RORB: variants seen among roughly 807,000 people sequenced by gnomAD.
RORB encodes the protein RAR related orphan receptor B.
RORB carries 6 observed loss-of-function variants against 59.1 expected under a neutral mutation model. That is an observed-to-expected ratio of 0.10 (90% CI 0.06 to 0.20). RORB has a LOEUF of 0.20. RORB is among the 10% of genes least tolerant of loss of function. RORB has a pLI of 1.00. For missense variants in RORB, 320 were observed against 560.5 expected (o/e 0.57, Z 4.33); for synonymous variants, 215 against 204.5 (o/e 1.05, Z -0.44).
At chr9:74,591,336 T>G (rs1822889570) in intron 1 of RORB, among the ~76,000 whole-genome samples, 1 of 152,206 alleles carries the variant, frequency 6.6e-6, no homozygotes, top group Admixed American at 6.5e-5. Context: ...CGCTTTCCAC[T>G]GTGTGAATCA....
Position 74,648,488 on chromosome 9 carries a change from C to T in RORB, c.637+5673C>T, listed in dbSNP as rs577136757. Among the ~76,000 whole-genome samples the T allele has an allele frequency of 6.0e-4, 91 of 152,296 alleles. 1 individual carries two copies. Among genetic ancestry groups the T allele is most frequent in the African/African-American group, 2.1e-3 (87 of 41,562 alleles). On this transcript the variant is annotated intron_variant, in intron 4 of 9. Transcript: ENST00000376896. ...TTCCCCCCTTGTTATAGCCACGTCA[C>T]ACAGATAAGAGTAGGGTAGAAGAGA...
chr9:74,557,507 T>C (rs1324169235), intron 1 of RORB, among the ~76,000 whole-genome samples: 2 of 152,176 alleles, frequency 1.3e-5, no homozygotes, highest in East Asian at 1.9e-4. Context: ...AATTCTTTAA[T>C]TGTTTCAGCC....
intron 1 of RORB, among the ~76,000 whole-genome samples, chr9:74,518,388 C>T (rs1256949323): frequency 6.6e-6 from 1 of 151,946 alleles, no homozygotes; most frequent in Non-Finnish European, 1.5e-5. Context: ...CCTAAGACAA[C>T]CTGAATTAAT....
chr9:74,649,192 C>A (rs975503142), intron 4 of RORB, among the ~76,000 whole-genome samples: 3 of 152,042 alleles, frequency 2.0e-5, no homozygotes, highest in African/African-American at 4.8e-5. Flanking sequence ...TCAGGTAACA[C>A]ACCCGCCTCA....
intron 4 of RORB, among the ~76,000 whole-genome samples, chr9:74,649,002 C>A (rs1320186545): frequency 2.7e-5 from 4 of 150,692 alleles, no homozygotes; most frequent in Middle Eastern, 3.4e-3. Flanking sequence ...GTCTGCCTGT[C>A]ACCCAGGCTG....
intron 1 of RORB, among the ~76,000 whole-genome samples, chr9:74,575,333 C>T (rs2118238606): frequency 6.6e-6 from 1 of 152,170 alleles, no homozygotes. Flanking sequence ...AGATGGAGGA[C>T]CTGCAGGGCT....
At chr9:74,620,670 C>T (rs1587389045) in intron 1 of RORB, among the ~76,000 whole-genome samples, 1 of 152,280 alleles carries the variant, frequency 6.6e-6, no homozygotes. Context: ...CCTGCTTTCT[C>T]TTGTGGGCAT....
At chr9:74,573,896 G>C (rs972199010) in intron 1 of RORB, among the ~76,000 whole-genome samples, 1 of 152,114 alleles carries the variant, frequency 6.6e-6, no homozygotes, top group African/African-American at 2.4e-5. Flanking sequence ...AGGATAACTT[G>C]GCTGGACAGG....
chr9:74,636,490 T>A (rs1823705178), intron 3 of RORB, among the ~76,000 whole-genome samples: 1 of 152,174 alleles, frequency 6.6e-6, no homozygotes, highest in Non-Finnish European at 1.5e-5. Context: ...TTAGACGGTC[T>A]GAATCCCGTA....
chr9:74,593,859 C>A (rs1314495422), intron 1 of RORB, among the ~76,000 whole-genome samples: 1 of 152,198 alleles, frequency 6.6e-6, no homozygotes, highest in African/African-American at 2.4e-5. Context: ...TAAACACCAA[C>A]ATTTCTACAT....
intron 1 of RORB, among the ~76,000 whole-genome samples, chr9:74,525,163 A>G (rs1489863356): frequency 1.3e-5 from 2 of 152,070 alleles, no homozygotes; most frequent in Non-Finnish European, 2.9e-5. Flanking sequence ...AAAGCGAGCA[A>G]TACTTCATTT....
intron 7 of RORB, among the ~76,000 whole-genome samples, chr9:74,667,182 G>A (rs900898116): frequency 6.6e-5 from 10 of 152,072 alleles, no homozygotes; most frequent in South Asian, 2.1e-4. Flanking sequence ...GCCAAAATAC[G>A]CAACAGCTAA....
At chr9:74,644,058 C>G (rs1417602865) in intron 4 of RORB, among the ~76,000 whole-genome samples, 3 of 152,250 alleles carry the variant, frequency 2.0e-5, no homozygotes, top group African/African-American at 4.8e-5. Flanking sequence ...CGGTCACCTT[C>G]TCTGTCTAAC....
At chr9:74,572,050 T>C (rs1033988237) in intron 1 of RORB, among the ~76,000 whole-genome samples, 4 of 152,100 alleles carry the variant, frequency 2.6e-5, no homozygotes, top group Non-Finnish European at 5.9e-5. Context: ...AACTCTAACA[T>C]AGCACCACCT....
At chr9:74,520,102 G>T (rs1382112876) in intron 1 of RORB, among the ~76,000 whole-genome samples, 1 of 151,634 alleles carries the variant, frequency 6.6e-6, no homozygotes, top group Non-Finnish European at 1.5e-5. Flanking sequence ...TTTCGCAGAC[G>T]ATGAAGAAAG....
chr9:74,501,610 G>C (rs766267520), intron 1 of RORB, among the ~76,000 whole-genome samples: 5 of 152,118 alleles, frequency 3.3e-5, no homozygotes. Context: ...AAATCCTAAA[G>C]CTGTATTTCA....
chr9:74,643,647 G>C (rs939248510), intron 4 of RORB, among the ~76,000 whole-genome samples: 1 of 152,192 alleles, frequency 6.6e-6, no homozygotes, highest in East Asian at 1.9e-4. Context: ...TGGGTAACAG[G>C]GTTGCATGTT....
chr9:74,602,903 A>G (rs1587380174), intron 1 of RORB, among the ~76,000 whole-genome samples: 1 of 152,204 alleles, frequency 6.6e-6, no homozygotes, highest in Admixed American at 6.5e-5. Context: ...AATGTTTATA[A>G]TGCTCTCCCA....
chr9:74,551,451 G>A (rs1483598060), intron 1 of RORB, among the ~76,000 whole-genome samples: 1 of 152,220 alleles, frequency 6.6e-6, no homozygotes, highest in East Asian at 1.9e-4. Context: ...CAACAGCACG[G>A]ATACAGTGGA....
Sources: allele counts gnomAD v4.1 joint callset (sites outside exome capture counted in the v4.1 genomes callset), GRCh38; gene constraint gnomAD v4.1.1; transcripts MANE v1.5; gene names NCBI Gene and HGNC (gene_info 2026-07-23, HGNC 2026-07-21).